Variants in CDKAL1 observed in about 807,000 individuals in gnomAD.
The protein encoded by CDKAL1 is threonylcarbamoyladenosine tRNA methylthiotransferase.
In CDKAL1, 32 loss-of-function variants were observed where a neutral mutation model predicts 68.2. That is an observed-to-expected ratio of 0.47 (90% CI 0.35 to 0.63). The LOEUF is 0.63. Ranked by LOEUF, CDKAL1 falls within the 30% of genes least tolerant of loss-of-function variation. The pLI is 0.00. For missense variants in CDKAL1, 606 were observed against 696.7 expected, an observed-to-expected ratio of 0.87 and a Z score of 1.47; for synonymous variants, 234 against 244.3, an observed-to-expected ratio of 0.96 and a Z score of 0.39.
intron 10 of CDKAL1, among the ~76,000 whole-genome samples, chr6:20,967,871 TGGA>T (rs1765397882): frequency 1.3e-5 from 2 of 152,228 alleles, no homozygotes; most frequent in Admixed American, 1.3e-4. Flanking sequence ...GCAGCTTCTC[TGGA>T]TACAGAATTC....
chr6:20,579,420 G>A (rs776026830), intron 4 of CDKAL1, among the ~76,000 whole-genome samples: 6 of 152,034 alleles, frequency 3.9e-5, no homozygotes, highest in Non-Finnish European at 8.8e-5. Context: ...CCTTATTTTT[G>A]TTCAGAATTA....
intron 4 of CDKAL1, among the ~76,000 whole-genome samples, chr6:20,643,282 G>C (rs1489260563): frequency 6.6e-6 from 1 of 152,124 alleles, no homozygotes; most frequent in East Asian, 1.9e-4. Context: ...GGAGGACCTG[G>C]CATGAATGTT....
chr6:21,174,149 C>T (rs954653864), intron 13 of CDKAL1, among the ~76,000 whole-genome samples: 2 of 152,106 alleles, frequency 1.3e-5, no homozygotes, highest in African/African-American at 4.8e-5. Flanking sequence ...AGAAAAAGAT[C>T]TCATTCGCTA....
chr6:20,965,945 A>G (rs1173567239), intron 10 of CDKAL1, among the ~76,000 whole-genome samples: 3 of 152,228 alleles, frequency 2.0e-5, no homozygotes, highest in African/African-American at 7.2e-5. Context: ...ACACTTTTCT[A>G]TTCTACGATC....
intron 9 of CDKAL1, among the ~76,000 whole-genome samples, chr6:20,892,640 C>T (rs1761468940): frequency 6.6e-6 from 1 of 152,122 alleles, no homozygotes; most frequent in Non-Finnish European, 1.5e-5. Flanking sequence ...AACATGTACT[C>T]ATAACCTTTC....
intron 9 of CDKAL1, among the ~76,000 whole-genome samples, chr6:20,926,439 T>C (rs1275138543): frequency 6.6e-6 from 1 of 152,054 alleles, no homozygotes; most frequent in East Asian, 1.9e-4. Context: ...TAAAATAAGT[T>C]GAAATTGTTT....
At chr6:20,892,809 C>A (rs1183104672) in intron 9 of CDKAL1, among the ~76,000 whole-genome samples, 1 of 152,118 alleles carries the variant, frequency 6.6e-6, no homozygotes, top group South Asian at 2.1e-4. Flanking sequence ...ATAAGCCAAC[C>A]TTTTTGGAAG....
chr6:20,937,621 AC>A (rs972059027), intron 9 of CDKAL1, among the ~76,000 whole-genome samples: 1 of 151,994 alleles, frequency 6.6e-6, no homozygotes, highest in Non-Finnish European at 1.5e-5. Flanking sequence ...GTCTTTTATA[AC>A]CGTAATATTT....
chr6:21,114,007 G>A (rs994748040), intron 13 of CDKAL1, among the ~76,000 whole-genome samples: 3 of 151,646 alleles, frequency 2.0e-5, no homozygotes. Flanking sequence ...CCAGCACTTT[G>A]AGAGGCCGAG....
chr6:20,883,276 C>T (rs1760910529), intron 9 of CDKAL1, among the ~76,000 whole-genome samples: 1 of 152,234 alleles, frequency 6.6e-6, no homozygotes, highest in African/African-American at 2.4e-5. Context: ...GTCACCTTCT[C>T]TCATACGTTG....
intron 8 of CDKAL1, among the ~76,000 whole-genome samples, chr6:20,817,966 G>A (rs932624942): frequency 2.6e-5 from 4 of 152,090 alleles, no homozygotes; most frequent in African/African-American, 9.7e-5. Context: ...TGAAGAAGGG[G>A]CCACTACTAT....
intron 9 of CDKAL1, among the ~76,000 whole-genome samples, chr6:20,884,990 A>G (rs1356997505): frequency 1.3e-5 from 2 of 152,182 alleles, no homozygotes; most frequent in African/African-American, 4.8e-5. Context: ...GTGATAAATT[A>G]TGAAACACTA....
chr6:21,160,853 T>A (rs1470325388), intron 13 of CDKAL1, among the ~76,000 whole-genome samples: 1 of 151,692 alleles, frequency 6.6e-6, no homozygotes, highest in Non-Finnish European at 1.5e-5. Context: ...GTCCTAATGC[T>A]CTCCCTCCCC....
At chr6:20,847,632 A>G (rs1473939645) in intron 9 of CDKAL1, among the ~76,000 whole-genome samples, 1 of 152,118 alleles carries the variant, frequency 6.6e-6, no homozygotes, top group Admixed American at 6.5e-5. Context: ...GAAAGTGAAA[A>G]TCTCCTCTTC....
intron 9 of CDKAL1, among the ~76,000 whole-genome samples, chr6:20,947,660 A>T (rs9368260): frequency 6.6e-6 from 1 of 152,200 alleles, no homozygotes; most frequent in African/African-American, 2.4e-5. Context: ...CAACCTACTG[A>T]TCATCATAGC....
In CDKAL1 at chr6:20,618,684, C is replaced by T. The variant is rs1391301974; in HGVS notation, c.287-30609C>T. On this transcript the variant is annotated intron_variant, in intron 4 of 15. Coordinates refer to ENST00000274695, the MANE Select transcript of CDKAL1 (RefSeq NM_017774.3). ...CAGTTTTCATTTTATCAATTCTTTTCGTTTTTTTTTTGGATACAGGGTCTT... is the reference window on the plus strand; with the variant it reads ...CAGTTTTCATTTTATCAATTCTTTTTGTTTTTTTTTTGGATACAGGGTCTT... Among the ~76,000 whole-genome samples, 5 of 151,554 alleles carry T rather than the reference C, an allele frequency of 3.3e-5. No homozygotes were observed. In the South Asian group the frequency reaches 6.3e-4, roughly 19 times the overall value.
intron 11 of CDKAL1, among the ~76,000 whole-genome samples, chr6:21,041,214 C>A (rs1472887758): frequency 6.6e-6 from 1 of 152,162 alleles, no homozygotes; most frequent in East Asian, 1.9e-4. Flanking sequence ...ACAAATAAAT[C>A]TTTTTCTCAT....
At chr6:21,014,542 C>T (rs1222714931) in intron 11 of CDKAL1, among the ~76,000 whole-genome samples, 3 of 151,026 alleles carry the variant, frequency 2.0e-5, no homozygotes, top group South Asian at 2.1e-4. Flanking sequence ...ACCTGGGAGG[C>T]GGAGCTTGCA....
At chr6:21,030,437 A>G (rs1399018372) in intron 11 of CDKAL1, among the ~76,000 whole-genome samples, 5 of 152,138 alleles carry the variant, frequency 3.3e-5, no homozygotes, top group Non-Finnish European at 5.9e-5. Context: ...TGGCACACGT[A>G]TACCTATGTA....
Sources: allele counts gnomAD v4.1 joint callset (sites outside exome capture counted in the v4.1 genomes callset), GRCh38; gene constraint gnomAD v4.1.1; transcripts MANE v1.5; gene names NCBI Gene and HGNC (gene_info 2026-07-23, HGNC 2026-07-21).